MED13L: variants seen among roughly 807,000 people sequenced by gnomAD.
MED13L encodes mediator of RNA polymerase II transcription subunit 13-like.
A neutral mutation model predicts 220.9 loss-of-function variants in MED13L; 7 were observed. The observed-to-expected ratio is 0.03, with a 90% CI of 0.02 to 0.06. MED13L has a LOEUF of 0.06. Ranked by LOEUF, MED13L falls within the 10% of genes least tolerant of loss-of-function variation. The pLI, the probability that MED13L is intolerant of heterozygous loss-of-function variation, is 1.00. For missense variants in MED13L, 1,965 were observed against 2,760.5 expected, an observed-to-expected ratio of 0.71 and a Z score of 6.46; for synonymous variants, 1,011 against 1,015.2, an observed-to-expected ratio of 1.00 and a Z score of 0.08.
chr12:116,082,104 T>C (rs984922267), intron 4 of MED13L, among the ~76,000 whole-genome samples: 1 of 152,214 alleles, frequency 6.6e-6, no homozygotes, highest in Non-Finnish European at 1.5e-5. Context: ...TATAATTAGT[T>C]ACTTCCAATG....
chr12:115,999,707 T>C (rs1878627715), intron 14 of MED13L, among the ~76,000 whole-genome samples: 1 of 152,120 alleles, frequency 6.6e-6, no homozygotes, highest in Non-Finnish European at 1.5e-5. Context: ...TTCTATTAAA[T>C]TTGTTTTTAC....
chr12:116,157,218 T>G (rs1275290135), intron 2 of MED13L, among the ~76,000 whole-genome samples: 2 of 152,176 alleles, frequency 1.3e-5, no homozygotes, highest in African/African-American at 4.8e-5. Context: ...TTCATAATAT[T>G]CACTATACTA....
At chr12:116,160,423 C>G (rs1403607141) in intron 2 of MED13L, among the ~76,000 whole-genome samples, 1 of 152,044 alleles carries the variant, frequency 6.6e-6, no homozygotes, top group East Asian at 1.9e-4. Context: ...CTGGAGAGCC[C>G]TGCAATAGTC....
chr12:116,033,173 C>T (rs1282487521), intron 4 of MED13L, among the ~76,000 whole-genome samples: 1 of 152,010 alleles, frequency 6.6e-6, no homozygotes, highest in African/African-American at 2.4e-5. Flanking sequence ...TGTTCCACAG[C>T]TTTACACTTG....
chr12:116,232,007 C>G (rs187734964), intron 2 of MED13L: 1 of 852,566 alleles, frequency 1.2e-6, no homozygotes, highest in East Asian at 1.2e-4. Context: ...ACAAAATGCC[C>G]ACTTGCAATG....
At chr12:116,084,695 C>A (rs928848656) in intron 4 of MED13L, among the ~76,000 whole-genome samples, 1 of 150,630 alleles carries the variant, frequency 6.6e-6, no homozygotes, top group Non-Finnish European at 1.5e-5. Context: ...TGAAGCAGGA[C>A]AATTGCTTGA....
At chr12:115,964,643 T>A (rs1244723949) in intron 29 of MED13L, among the ~76,000 whole-genome samples, 4 of 152,238 alleles carry the variant, frequency 2.6e-5, no homozygotes, top group African/African-American at 9.6e-5. Flanking sequence ...ATTCTATCAC[T>A]GTCATCATTT....
At chr12:116,261,263 A>AGGCAAGCGGATCACTTCAG (rs1872492413) in intron 1 of MED13L, among the ~76,000 whole-genome samples, 1 of 152,170 alleles carries the variant, frequency 6.6e-6, no homozygotes, top group Non-Finnish European at 1.5e-5. Context: ...TGGGAGGCCA[A>AGGCAAGCGGATCACTTCAG]GGCAAGCGGA....
intron 4 of MED13L, among the ~76,000 whole-genome samples, chr12:116,029,594 C>G (rs1049275947): frequency 6.6e-6 from 1 of 151,902 alleles, no homozygotes; most frequent in African/African-American, 2.4e-5. Flanking sequence ...AAGAAAAAAC[C>G]TGGTACAGGA....
chr12:116,241,025 T>G (rs528594804), intron 1 of MED13L, among the ~76,000 whole-genome samples: 1 of 151,604 alleles, frequency 6.6e-6, no homozygotes, highest in Non-Finnish European at 1.5e-5. Flanking sequence ...AACACACCAA[T>G]AGGCCAGGCG....
chr12:116,038,489 T>C (rs1881320490), intron 4 of MED13L, among the ~76,000 whole-genome samples: 1 of 152,134 alleles, frequency 6.6e-6, no homozygotes, highest in Admixed American at 6.5e-5. Flanking sequence ...GGAATGTTTA[T>C]GTTTTACAAA....
intron 2 of MED13L, among the ~76,000 whole-genome samples, chr12:116,200,212 G>A (rs1414126345): frequency 6.6e-6 from 1 of 151,642 alleles, no homozygotes; most frequent in Non-Finnish European, 1.5e-5. Flanking sequence ...CCAATCCCCT[G>A]CCTTTTTTTT....
chr12:116,133,649 T>C (rs1192287940), intron 2 of MED13L, among the ~76,000 whole-genome samples: 1 of 152,204 alleles, frequency 6.6e-6, no homozygotes, highest in Non-Finnish European at 1.5e-5. Context: ...ACTATCAGTC[T>C]TCCTATCAAG....
At chr12:116,233,096 A>G (rs1181021758) in intron 2 of MED13L, among the ~76,000 whole-genome samples, 1 of 149,264 alleles carries the variant, frequency 6.7e-6, no homozygotes, top group Non-Finnish European at 1.5e-5. Flanking sequence ...AAAGGAAAAA[A>G]AAAAAAAAAA....
intron 2 of MED13L, chr12:116,236,736 A>G: frequency 3.0e-6 from 2 of 660,308 alleles, no homozygotes; most frequent in Non-Finnish European, 3.8e-6. Context: ...AATTTTTACC[A>G]GAAATTCAAA....
At chr12:116,071,013 GATA>G (rs1379591348) in intron 4 of MED13L, among the ~76,000 whole-genome samples, 2 of 152,004 alleles carry the variant, frequency 1.3e-5, no homozygotes, top group Admixed American at 6.6e-5. Flanking sequence ...AGATTCAGAA[GATA>G]ATAAAATTTA....
intron 2 of MED13L, among the ~76,000 whole-genome samples, chr12:116,124,347 T>A (rs966379251): frequency 6.6e-6 from 1 of 152,200 alleles, no homozygotes; most frequent in Non-Finnish European, 1.5e-5. Flanking sequence ...ATTCATTCTA[T>A]AAATCCAATT....
intron 2 of MED13L, among the ~76,000 whole-genome samples, chr12:116,231,181 T>C (rs1297928796): frequency 6.6e-6 from 1 of 152,196 alleles, no homozygotes; most frequent in African/African-American, 2.4e-5. Flanking sequence ...AGGAAAGAGA[T>C]ATTCACACAA....
At chr12:116,136,379 T>C (rs188953050) in intron 2 of MED13L, among the ~76,000 whole-genome samples, 6 of 152,216 alleles carry the variant, frequency 3.9e-5, no homozygotes, top group African/African-American at 1.4e-4. Context: ...TTCTCATAAC[T>C]GAGTATCACC....
Sources: allele counts gnomAD v4.1 joint callset (sites outside exome capture counted in the v4.1 genomes callset), GRCh38; gene constraint gnomAD v4.1.1; transcripts MANE v1.5; gene names NCBI Gene and HGNC (gene_info 2026-07-23, HGNC 2026-07-21).